CSRNP3: variants seen among roughly 807,000 people sequenced by gnomAD.
CSRNP3 encodes cysteine and serine rich nuclear protein 3.
A neutral mutation model predicts 48.0 loss-of-function variants in CSRNP3; 12 were observed. That is an observed-to-expected ratio of 0.25 (90% CI 0.16 to 0.41). The LOEUF (loss-of-function observed/expected upper bound fraction) is 0.41. Ranked by LOEUF, CSRNP3 falls within the 10% of genes least tolerant of loss-of-function variation. The pLI is 1.00. For synonymous variants in CSRNP3, 263 were observed against 269.7 expected (o/e 0.98, Z 0.24); for missense variants, 580 against 724.4 (o/e 0.80, Z 2.29).
intron 2 of CSRNP3, among the ~76,000 whole-genome samples, chr2:165,495,577 T>C (rs562627976): frequency 6.6e-6 from 1 of 152,172 alleles, no homozygotes; most frequent in Admixed American, 6.6e-5. Flanking sequence ...GATGCACATA[T>C]GAAGGTTGTG....
intron 4 of CSRNP3, among the ~76,000 whole-genome samples, chr2:165,599,338 A>AAG (rs1273366112): frequency 2.1e-4 from 31 of 150,052 alleles, no homozygotes; most frequent in African/African-American, 6.9e-4. Context: ...AGGAAAAGAA[A>AAG]AAAAGAAAGA....
chr2:165,472,682 A>G (rs1016728000), intron 1 of CSRNP3, among the ~76,000 whole-genome samples: 6 of 152,002 alleles, frequency 3.9e-5, no homozygotes, highest in African/African-American at 1.4e-4. Flanking sequence ...TATTTTTGTT[A>G]TAATTCAGAT....
At position 165,689,275 on chromosome 2, in the gene CSRNP3, A is replaced by G. The variant is rs1687680136; in HGVS notation, c.*9522A>G. 1 of 152,148 alleles carries G rather than the reference A, an allele frequency of 6.6e-6. No homozygotes were observed. The highest frequency in any genetic ancestry group is 2.1e-4 in the South Asian group (1 of 4,830). The allele number at this position is 152,148 out of a possible 1,614,324, so 9.4% of individuals were successfully genotyped here. A position where few individuals can be genotyped will look rare whatever the true frequency, so the allele number is the denominator to read the frequency against. ...TGCAGTGTGTATATATATATAACAA[A>G]TAAGCATTTTTAAGTCTTATCCTTA... is the stretch of plus-strand genomic sequence containing the variant. On this transcript the variant is annotated 3_prime_UTR_variant, in exon 7 of 7. Coordinates refer to ENST00000651982, the MANE Select transcript of CSRNP3 (RefSeq NM_001172173.2).
chr2:165,496,405 C>T (rs16850768), intron 2 of CSRNP3, among the ~76,000 whole-genome samples: 2,407 of 152,164 alleles, frequency 0.016, 60 homozygotes, highest in African/African-American at 0.054. Context: ...GCCTTTCCTA[C>T]TGAGCCATTA....
intron 4 of CSRNP3, among the ~76,000 whole-genome samples, chr2:165,642,475 A>AT (rs1240124136): frequency 6.6e-6 from 1 of 150,466 alleles, no homozygotes; most frequent in Non-Finnish European, 1.5e-5. Flanking sequence ...TTGTGAGATT[A>AT]TTTTTTTGCA....
intron 3 of CSRNP3, among the ~76,000 whole-genome samples, chr2:165,591,607 T>TCC (rs1339268118): frequency 6.6e-6 from 1 of 152,126 alleles, no homozygotes; most frequent in Non-Finnish European, 1.5e-5. Flanking sequence ...GGGAACATGG[T>TCC]CCCCTGTGTC....
chr2:165,634,731 C>A (rs778123524), intron 4 of CSRNP3, among the ~76,000 whole-genome samples: 3 of 152,226 alleles, frequency 2.0e-5, no homozygotes, highest in Non-Finnish European at 4.4e-5. Context: ...GAAGCATGTT[C>A]TTTGCTTACA....
intron 3 of CSRNP3, among the ~76,000 whole-genome samples, chr2:165,533,047 A>G (rs1684836026): frequency 6.6e-6 from 1 of 152,126 alleles, no homozygotes; most frequent in Non-Finnish European, 1.5e-5. Context: ...TTTTCAAGGC[A>G]GGATAATATG....
At chr2:165,587,737 A>G (rs1685655065) in intron 3 of CSRNP3, among the ~76,000 whole-genome samples, 1 of 152,158 alleles carries the variant, frequency 6.6e-6, no homozygotes, top group African/African-American at 2.4e-5. Context: ...AAGTTAGTCT[A>G]GAGTTGGCTT....
intron 4 of CSRNP3, among the ~76,000 whole-genome samples, chr2:165,642,390 C>T (rs1223831099): frequency 1.3e-5 from 2 of 152,150 alleles, no homozygotes; most frequent in Non-Finnish European, 2.9e-5. Flanking sequence ...TTAGACTCTT[C>T]ACAGGGAAAG....
intron 4 of CSRNP3, among the ~76,000 whole-genome samples, chr2:165,622,371 A>G (rs1196207025): frequency 6.6e-6 from 1 of 152,200 alleles, no homozygotes; most frequent in East Asian, 1.9e-4. Context: ...AGAAGCCTAC[A>G]TTTAAATACC....
intron 1 of CSRNP3, among the ~76,000 whole-genome samples, chr2:165,472,649 A>C (rs1408577155): frequency 6.6e-6 from 1 of 152,026 alleles, no homozygotes; most frequent in Non-Finnish European, 1.5e-5. Context: ...AAATCATCAT[A>C]AAGCTGTTAA....
At chr2:165,664,817 T>G (rs750451476) in intron 5 of CSRNP3, among the ~76,000 whole-genome samples, 16 of 152,146 alleles carry the variant, frequency 1.1e-4, no homozygotes, top group Admixed American at 3.3e-4. Context: ...TTTTTTTTTG[T>G]TCTTAGTAAG....
intron 4 of CSRNP3, among the ~76,000 whole-genome samples, chr2:165,643,536 T>G (rs1686761318): frequency 6.6e-6 from 1 of 152,202 alleles, no homozygotes; most frequent in Non-Finnish European, 1.5e-5. Flanking sequence ...CTTCCTGTGC[T>G]GTGAATAATA....
intron 1 of CSRNP3, among the ~76,000 whole-genome samples, chr2:165,493,001 T>C (rs938504092): frequency 6.9e-6 from 1 of 145,046 alleles, no homozygotes; most frequent in Admixed American, 6.9e-5. Context: ...GATGATACGA[T>C]AAGGTAGAGG....
chr2:165,583,631 T>C (rs1341164016), intron 3 of CSRNP3, among the ~76,000 whole-genome samples: 2 of 152,218 alleles, frequency 1.3e-5, no homozygotes, highest in Admixed American at 1.3e-4. Context: ...GATTGTAAAG[T>C]AACTGGCACA....
intron 1 of CSRNP3, among the ~76,000 whole-genome samples, chr2:165,474,069 A>G (rs1469772667): frequency 1.6e-4 from 24 of 152,154 alleles, no homozygotes; most frequent in Admixed American, 1.6e-3. Context: ...AGCTTAATAC[A>G]TTATTTTCCA....
chr2:165,530,577 AG>A (rs1684797371), intron 3 of CSRNP3, among the ~76,000 whole-genome samples: 1 of 152,172 alleles, frequency 6.6e-6, no homozygotes, highest in African/African-American at 2.4e-5. Flanking sequence ...GATAGTTGGA[AG>A]GAATTTTTCC....
At chr2:165,497,199 C>A (rs1187809421) in intron 2 of CSRNP3, among the ~76,000 whole-genome samples, 2 of 152,056 alleles carry the variant, frequency 1.3e-5, no homozygotes, top group Non-Finnish European at 2.9e-5. Context: ...ACATACATAT[C>A]CACTGTGGTC....
Sources: gnomAD v4.1 joint callset for allele counts (sites outside exome capture counted in the v4.1 genomes callset) on GRCh38, gnomAD v4.1.1 for gene constraint, MANE v1.5 for transcripts, NCBI Gene and HGNC (gene_info 2026-07-23, HGNC 2026-07-21) for gene names.